Variants in COL5A1 observed in about 807,000 individuals in gnomAD.
The protein encoded by COL5A1 is collagen type V alpha 1 chain.
Under a neutral mutation model 263.7 loss-of-function variants are expected in COL5A1, and 16 were observed. The observed-to-expected ratio is 0.06, with a 90% CI of 0.04 to 0.09. The LOEUF (loss-of-function observed/expected upper bound fraction) is 0.09, where lower values mean the gene tolerates loss of function less well. Ranked by LOEUF, COL5A1 falls within the 10% of genes least tolerant of loss-of-function variation. The probability of loss-of-function intolerance (pLI) is 1.00; values close to 1 mark genes in which losing one functional copy is unlikely to be tolerated. For synonymous variants in COL5A1, 1,012 were observed against 1,004.5 expected (o/e 1.01, Z -0.14); for missense variants, 2,036 against 2,540.5 (o/e 0.80, Z 4.27).
rs1835310266 is a variant in COL5A1 at position 134,741,710 on chromosome 9, G to A, written c.1494+2902G>A. Among the ~76,000 whole-genome samples the A allele has an allele frequency of 6.6e-6, 1 of 152,152 alleles. No homozygotes were observed. Among genetic ancestry groups the A allele is most frequent in the Non-Finnish European group, 1.5e-5 (1 of 68,016 alleles). ...CGTCGATTCTTACTTGGCTTCAGCAGAAAATAGTCGTTCTGCAGGGGAGTG... is the reference window on the plus strand; with the variant it reads ...CGTCGATTCTTACTTGGCTTCAGCAAAAAATAGTCGTTCTGCAGGGGAGTG... On this transcript the variant is annotated intron_variant, in intron 11 of 65. Coordinates refer to ENST00000371817, the MANE Select transcript of COL5A1 (RefSeq NM_000093.5). The surrounding 1 kb of genome is among the most constrained non-coding windows in gnomAD (Gnocchi z 4.5).
rs141910052 is a variant in COL5A1, at chr9:134,781,058, C to T, written c.2430+912C>T. On this transcript the variant is annotated intron_variant, in intron 28 of 65. Coordinates refer to ENST00000371817, the MANE Select transcript of COL5A1 (RefSeq NM_000093.5). ...GGTGCTGGCGTGATGGTCCACGTGC[C>T]GAGACTCCTTATTTGCTACCTGTCG... Among the ~76,000 whole-genome samples the T allele has an allele frequency of 6.0e-3, 909 of 152,362 alleles. 10 individuals are homozygous for T. Among genetic ancestry groups the T allele is most frequent in the African/African-American group, 0.02 (850 of 41,594 alleles).
At chr9:134,691,129 G>A in intron 2 of COL5A1, 50 bp downstream of exon 2, 3 of 1,608,276 alleles carry the variant, frequency 1.9e-6, no homozygotes, top group Non-Finnish European at 2.5e-6. Context: ...TTGGCCCTCT[G>A]GCCTCCAGCC....
At chr9:134,770,176 T>C (rs1292823317) in intron 25 of COL5A1, among the ~76,000 whole-genome samples, 1 of 152,250 alleles carries the variant, frequency 6.6e-6, no homozygotes, top group Non-Finnish European at 1.5e-5. Flanking sequence ...AAAAGATGTT[T>C]AAAAATTCTC....
At chr9:134,759,361 C>G (rs1209390931) in intron 18 of COL5A1, among the ~76,000 whole-genome samples, 1 of 143,954 alleles carries the variant, frequency 6.9e-6, no homozygotes, top group African/African-American at 2.7e-5. Context: ...CACATTCATA[C>G]ACAGATGCAC....
At chr9:134,803,372 C>T (rs1430585142) in intron 39 of COL5A1, among the ~76,000 whole-genome samples, 1 of 152,082 alleles carries the variant, frequency 6.6e-6, no homozygotes, top group African/African-American at 2.4e-5. Flanking sequence ...CAGTGGCTCA[C>T]GCCTGTAATC....
intron 2 of COL5A1, among the ~76,000 whole-genome samples, chr9:134,699,257 T>A (rs1336852592): frequency 6.6e-6 from 1 of 152,238 alleles, no homozygotes; most frequent in Non-Finnish European, 1.5e-5. Context: ...GCTCCTGGCA[T>A]GTGTTGTAAG....
chr9:134,642,054 G>T lies in COL5A1; in HGVS notation c.-134G>T. The T allele has an allele frequency of 9.6e-6, 7 of 728,060 alleles. No homozygotes were observed. The highest frequency in any genetic ancestry group is 7.6e-6 in the Non-Finnish European group (4 of 528,494). The allele number at this position is 728,060 out of a possible 1,614,324, so 45.1% of individuals were successfully genotyped here. A position where few individuals can be genotyped will look rare whatever the true frequency, so the allele number is the denominator to read the frequency against. On this transcript the variant is annotated 5_prime_UTR_variant, in exon 1 of 66. Coordinates refer to ENST00000371817, the MANE Select transcript of COL5A1 (RefSeq NM_000093.5). This position sits in a 1 kb window ranked among gnomAD's most constrained non-coding sequence, Gnocchi z 4.5. ...CCGCCGCCACAAAGAAGAACGGGGG[G>T]TGCCGAGGTCCCCATGACCTCCTAA...
chr9:134,759,331 C>G (rs111467095), intron 18 of COL5A1, among the ~76,000 whole-genome samples: 1 of 128,228 alleles, frequency 7.8e-6, no homozygotes, highest in Non-Finnish European at 1.6e-5. Flanking sequence ...CACACATGCA[C>G]ACAAGCACAC....
At chr9:134,664,920 T>C (rs1832311589) in intron 1 of COL5A1, among the ~76,000 whole-genome samples, 2 of 151,576 alleles carry the variant, frequency 1.3e-5, no homozygotes, top group South Asian at 4.2e-4. Flanking sequence ...AAACTAGAGC[T>C]GGGCACGGTG....
Position 134,677,613 on chromosome 9 carries a change from A to AC in COL5A1, c.110-13296dup. 6.6e-6 allele frequency among the ~76,000 whole-genome samples: 1 copy of AC among 152,066 alleles called. No homozygotes were observed. The highest frequency in any genetic ancestry group is 1.9e-4 in the East Asian group (1 of 5,190). On this transcript the variant is annotated intron_variant, in intron 1 of 65. Coordinates refer to ENST00000371817, the MANE Select transcript of COL5A1 (RefSeq NM_000093.5). The surrounding 1 kb of genome is among the most constrained non-coding windows in gnomAD (Gnocchi z 4.4). ...TCCCCCATCACTCCTTGGCACAGCC[A>AC]CCCTTCATCCAGCCGTCCCTGGGGC... is the stretch of plus-strand genomic sequence containing the variant.
In COL5A1 at chr9:134,794,055, CG is replaced by C. The variant is rs1437631671; in HGVS notation, c.2701-1025del. 6.6e-6 allele frequency among the ~76,000 whole-genome samples: 1 copy of C among 152,096 alleles called. No homozygotes were observed. The highest frequency in any genetic ancestry group is 1.5e-5 in the Non-Finnish European group (1 of 68,034). On this transcript the variant is annotated intron_variant, in intron 32 of 65. Transcript: ENST00000371817. The surrounding 1 kb of genome is among the most constrained non-coding windows in gnomAD (Gnocchi z 4.3). ...GAAACCAGTCAAGTTCAGCCAGGCA[CG>C]GTGGCTCACGCTTGTAATCCCAGCA...
At chr9:134,705,584 T>C (rs1041575969) in intron 4 of COL5A1, among the ~76,000 whole-genome samples, 1 of 152,218 alleles carries the variant, frequency 6.6e-6, no homozygotes, top group African/African-American at 2.4e-5. Flanking sequence ...ATCTGTAAAA[T>C]GGGGCGATAG....
chr9:134,740,359 C>T (rs1444562260), intron 11 of COL5A1, among the ~76,000 whole-genome samples: 1 of 152,328 alleles, frequency 6.6e-6, no homozygotes, highest in South Asian at 2.1e-4. Flanking sequence ...CCCCCAGATT[C>T]GCGTGAGATG....
intron 2 of COL5A1, among the ~76,000 whole-genome samples, chr9:134,698,985 C>T (rs1347823523): frequency 2.0e-5 from 3 of 152,260 alleles, no homozygotes; most frequent in Non-Finnish European, 4.4e-5. Context: ...CTGGCCCGTT[C>T]TGAGCAGCCC....
At chr9:134,653,838 G>A (rs1831780158) in intron 1 of COL5A1, among the ~76,000 whole-genome samples, 1 of 151,598 alleles carries the variant, frequency 6.6e-6, no homozygotes, top group South Asian at 2.1e-4. Flanking sequence ...AGGGCCGGGT[G>A]TCTGTAGGGC....
At chr9:134,763,249 C>T (rs569370294) in intron 19 of COL5A1, among the ~76,000 whole-genome samples, 5 of 152,330 alleles carry the variant, frequency 3.3e-5, no homozygotes, top group African/African-American at 1.2e-4. Flanking sequence ...GCATTCCCTT[C>T]TGCAGCCAGG....
At chr9:134,837,634 A>C (rs573387496) in intron 65 of COL5A1, among the ~76,000 whole-genome samples, 1 of 151,764 alleles carries the variant, frequency 6.6e-6, no homozygotes, top group South Asian at 2.1e-4. Flanking sequence ...AGCTGGGATC[A>C]TTTAAATTCC....
At chr9:134,656,227 T>C (rs2132486546) in intron 1 of COL5A1, among the ~76,000 whole-genome samples, 1 of 152,268 alleles carries the variant, frequency 6.6e-6, no homozygotes, top group Admixed American at 6.5e-5. Flanking sequence ...CAGTGACCAG[T>C]TGAGGGTACT....
intron 28 of COL5A1, among the ~76,000 whole-genome samples, chr9:134,781,799 C>T (rs914434419): frequency 6.6e-6 from 1 of 152,192 alleles, no homozygotes; most frequent in African/African-American, 2.4e-5. Context: ...CCCTGGGAGC[C>T]CCGGGAGCTG....
Sources: allele counts gnomAD v4.1 joint callset (sites outside exome capture counted in the v4.1 genomes callset), GRCh38; gene constraint gnomAD v4.1.1; non-coding constraint Gnocchi (gnomAD v3.1); transcripts MANE v1.5; gene names NCBI Gene and HGNC (gene_info 2026-07-23, HGNC 2026-07-21).